Variants in MFSD6 observed in about 807,000 individuals in gnomAD.
MFSD6 encodes the protein major facilitator superfamily domain-containing protein 6.
In MFSD6, 26 loss-of-function variants were observed where a neutral mutation model predicts 56.3. The observed-to-expected ratio is 0.46, with a 90% CI of 0.34 to 0.64. MFSD6 has a LOEUF of 0.64. Among genes scored for constraint, MFSD6 ranks in the 30% least tolerant of loss-of-function variants. MFSD6 has a pLI of 0.01. For synonymous variants in MFSD6, 331 were observed against 366.9 expected, an observed-to-expected ratio of 0.90 and a Z score of 1.12; for missense variants, 750 against 986.2, an observed-to-expected ratio of 0.76 and a Z score of 3.21.
chr2:190,477,219 T>C, intron 4 of MFSD6: 2 of 967,658 alleles, frequency 2.1e-6, no homozygotes, highest in East Asian at 1.1e-4. Flanking sequence ...ATAATAACAA[T>C]GCATTAAACA....
chr2:190,407,615 C>T (rs1172221071), upstream of MFSD6, among the ~76,000 whole-genome samples: 2 of 152,218 alleles, frequency 1.3e-5, no homozygotes, highest in African/African-American at 4.8e-5. This position sits in a 1 kb window ranked among gnomAD's most constrained non-coding sequence, Gnocchi z 5.4. Context: ...CACTCTCCCC[C>T]AACTCTCTGC....
chr2:190,454,999 TA>T lies in MFSD6; in HGVS notation c.1533-14757del, dbSNP rs111977792. ...ATATGTATATGTATATGTATATGTA[TA>T]ATGTATATGTATATGTATATGTGTG... On this transcript the variant is annotated intron_variant, in intron 3 of 7. Transcript: ENST00000392328. The surrounding 1 kb of genome is among the most constrained non-coding windows in gnomAD (Gnocchi z 4.6). Among the ~76,000 whole-genome samples, 6,291 of 46,776 alleles carry T rather than the reference TA, an allele frequency of 0.13. 244 individuals are homozygous for T. Among genetic ancestry groups the T allele is most frequent in the East Asian group, 0.24 (355 of 1,456 alleles). The allele number at this position is 46,776 out of a possible 152,430, so 30.7% of individuals were successfully genotyped here.
In MFSD6 at chr2:190,437,329, A is replaced by C. The variant is rs1686214054; in HGVS notation, c.1300A>C (p.Asn434His). 1.9e-6 allele frequency: 3 copies of C among 1,614,128 alleles called. No individual in the cohort carries two copies. The highest frequency in any genetic ancestry group is 3.3e-5 in the Admixed American group (2 of 60,012). Residue 434 changes from asparagine to histidine, a missense_variant, in exon 3 of 8, where the codon AAC (asparagine) becomes CAC (histidine). Physicochemically the swap from Asn to His is moderately conservative, Grantham distance 68. Coordinates refer to ENST00000392328, the MANE Select transcript of MFSD6 (RefSeq NM_017694.4). The surrounding 1 kb of genome is among the most constrained non-coding windows in gnomAD (Gnocchi z 5.9). ...CACCACAAGCCACTCGCAGGCCTTC[A>C]ACTTTTGGGACTTAATCAAGCTGCT... The part of the protein sequence containing the change: ...PTTTSHSQAF[N>H]FWDLIKLLCS...
rs976270041 is a variant in MFSD6 at position 190,417,766 on chromosome 2, T to G, written c.-54+2353T>G. Among the ~76,000 whole-genome samples, 15 of 152,166 alleles carry G rather than the reference T, an allele frequency of 9.9e-5. No individual in the cohort carries two copies. Among genetic ancestry groups the G allele is most frequent in the Non-Finnish European group, 1.5e-4 (10 of 68,028 alleles). On this transcript the variant is annotated intron_variant, in intron 2 of 7. Coordinates refer to ENST00000392328, the MANE Select transcript of MFSD6 (RefSeq NM_017694.4). This position sits in a 1 kb window ranked among gnomAD's most constrained non-coding sequence, Gnocchi z 5.7. ...CTGGAATAGTTTTCCCACTCATCTTTGCCTGTGAATCCTGCCCATCTTTCA... is the reference window on the plus strand; with the variant it reads ...CTGGAATAGTTTTCCCACTCATCTTGGCCTGTGAATCCTGCCCATCTTTCA...
intron 2 of MFSD6, among the ~76,000 whole-genome samples, chr2:190,427,404 G>C (rs1685814919): frequency 6.6e-6 from 1 of 152,158 alleles, no homozygotes. Flanking sequence ...GTGGTATTTG[G>C]CTGCAGTCGA....
In MFSD6 at chr2:190,499,233, A is replaced by T. The variant is rs1403151204; in HGVS notation, c.2173-782A>T. On this transcript the variant is annotated intron_variant, in intron 7 of 7. Transcript: ENST00000392328. The surrounding 1 kb of genome is among the most constrained non-coding windows in gnomAD (Gnocchi z 6.0). ...AAAAACTGGCAGGTATGCTGTAGTT[A>T]TTCTTAGAAGTCATTATACTAAGTT... Among the ~76,000 whole-genome samples the T allele has an allele frequency of 6.6e-6, 1 of 152,244 alleles. No homozygotes were observed. The highest frequency in any genetic ancestry group is 1.5e-5 in the Non-Finnish European group (1 of 68,040).
intron 3 of MFSD6, among the ~76,000 whole-genome samples, chr2:190,445,798 A>G (rs559366642): frequency 3.7e-5 from 5 of 135,774 alleles, no homozygotes; most frequent in African/African-American, 1.1e-4. Context: ...AATCAGATTC[A>G]TAACGTGGTA....
chr2:190,468,961 T>A (rs986722890), intron 3 of MFSD6, among the ~76,000 whole-genome samples: 1 of 152,128 alleles, frequency 6.6e-6, no homozygotes, highest in African/African-American at 2.4e-5. Context: ...AAGTAGCCAC[T>A]CTTTGCTTCC....
chr2:190,484,956 T>G (rs7595579), intron 4 of MFSD6, among the ~76,000 whole-genome samples: 133,769 of 152,076 alleles, frequency 0.88, 59,642 homozygotes, highest in East Asian at 1. Flanking sequence ...TTCACTTAAT[T>G]CCCTGAGTTA....
chr2:190,436,520 G>T lies in MFSD6; in HGVS notation c.491G>T (p.Arg164Leu), dbSNP rs752903417. 4 of 1,614,100 alleles carry T rather than the reference G, an allele frequency of 2.5e-6. No individual in the cohort carries two copies. The highest frequency in any genetic ancestry group is 3.4e-6 in the Non-Finnish European group (4 of 1,180,016). ...PATLRCVPKI[R>L]PTTHPTNASH... is the part of the protein sequence containing the mutation. ...ACCTTGAGATGTGTACCAAAGATTC[G>T]CCCAACAACTCACCCCACCAATGCA... Residue 164 changes from arginine to leucine, a missense_variant, in exon 3 of 8, where the codon CGC becomes CTC. By Grantham distance (102) the Arg-to-Leu change is moderately radical (BLOSUM62 -2). This residue lies in a region of MFSD6 where 376 missense variants were observed against 437.9 expected (regional missense o/e 0.86). Transcript: ENST00000392328. The surrounding 1 kb of genome is among the most constrained non-coding windows in gnomAD (Gnocchi z 5.3).
Position 190,443,646 on chromosome 2 carries a change from T to C in MFSD6, c.1532+6085T>C, listed in dbSNP as rs1470734762. 3.9e-5 allele frequency among the ~76,000 whole-genome samples: 6 copies of C among 152,226 alleles called. No individual in the cohort carries two copies. Among genetic ancestry groups the C allele is most frequent in the Middle Eastern group, 3.2e-3 (1 of 316 alleles). On this transcript the variant is annotated intron_variant, in intron 3 of 7. Coordinates refer to ENST00000392328, the MANE Select transcript of MFSD6 (RefSeq NM_017694.4). The surrounding 1 kb of genome is among the most constrained non-coding windows in gnomAD (Gnocchi z 4.2). ...TCAAATTGAAATTTTTCTCCCCAAA[T>C]TTCTGATGACCATAGATTTTCAAAT... is the stretch of plus-strand genomic sequence containing the variant.
In MFSD6 at chr2:190,423,711, C is replaced by G. The variant is rs1685703540; in HGVS notation, c.-54+8298C>G. Among the ~76,000 whole-genome samples, 1 of 152,202 alleles carries G rather than the reference C, an allele frequency of 6.6e-6. No homozygotes were observed. Among genetic ancestry groups the G allele is most frequent in the African/African-American group, 2.4e-5 (1 of 41,450 alleles). ...ATGTATTTAGTTTTATTAGAAACTG[C>G]TAAACTGCTTTCTAGAGTGGTGTAC... On this transcript the variant is annotated intron_variant, in intron 2 of 7. Coordinates refer to ENST00000392328, the MANE Select transcript of MFSD6 (RefSeq NM_017694.4). This position sits in a 1 kb window ranked among gnomAD's most constrained non-coding sequence, Gnocchi z 4.3.
Position 190,423,843 on chromosome 2 carries a change from A to G in MFSD6, c.-54+8430A>G, listed in dbSNP as rs1190399530. On this transcript the variant is annotated intron_variant, in intron 2 of 7. Transcript: ENST00000392328. The surrounding 1 kb of genome is among the most constrained non-coding windows in gnomAD (Gnocchi z 4.3). ...ATTTTAACCATTCTTATAGACGTGT[A>G]GTGATATAGCATCATGGTTTTAATT... Among the ~76,000 whole-genome samples the G allele has an allele frequency of 6.6e-6, 1 of 152,214 alleles. No homozygotes were observed. Among genetic ancestry groups the G allele is most frequent in the African/African-American group, 2.4e-5 (1 of 41,458 alleles).
rs57743670 is a variant in MFSD6 at position 190,470,703 on chromosome 2, G to A, written c.1630+848G>A. 3.3e-3 allele frequency among the ~76,000 whole-genome samples: 509 copies of A among 152,170 alleles called. 7 individuals carry two copies. Among genetic ancestry groups the A allele is most frequent in the African/African-American group, 0.011 (473 of 41,530 alleles). ...TCCCTTACCCTAAGGAGACAAATGC[G>A]GTGTAATCAATGTGATTAATTGTCA... On this transcript the variant is annotated intron_variant, in intron 4 of 7. Coordinates refer to ENST00000392328, the MANE Select transcript of MFSD6 (RefSeq NM_017694.4).
rs1689264149 is a variant in MFSD6 at position 190,490,293 on chromosome 2, G to A, written c.1891+427G>A. Reference sequence around the variant, plus strand: ...AAAAAAAAAACAATGGCCGGGTGCAGTGGCTCACGCCTGTAATCCCAACAC... The same window carrying A: ...AAAAAAAAAACAATGGCCGGGTGCAATGGCTCACGCCTGTAATCCCAACAC... On this transcript the variant is annotated intron_variant, in intron 6 of 7. Coordinates refer to ENST00000392328, the MANE Select transcript of MFSD6 (RefSeq NM_017694.4). This position sits in a 1 kb window ranked among gnomAD's most constrained non-coding sequence, Gnocchi z 4.5. 6.6e-6 allele frequency among the ~76,000 whole-genome samples: 1 copy of A among 151,642 alleles called. No homozygotes were observed. Among genetic ancestry groups the A allele is most frequent in the African/African-American group, 2.4e-5 (1 of 41,324 alleles).
Position 190,497,140 on chromosome 2 carries a change from A to AG in MFSD6, c.1892-297dup, listed in dbSNP as rs1689745122. Among the ~76,000 whole-genome samples, 1 of 152,174 alleles carries AG rather than the reference A, an allele frequency of 6.6e-6. No individual in the cohort carries two copies. Among genetic ancestry groups the AG allele is most frequent in the Non-Finnish European group, 1.5e-5 (1 of 68,032 alleles). ...AATCATAATCCTGTAAATGGGCCTA[A>AG]GGCAACACTCATTATAACCTATGCC... On this transcript the variant is annotated intron_variant, in intron 6 of 7. Coordinates refer to ENST00000392328, the MANE Select transcript of MFSD6 (RefSeq NM_017694.4). This position sits in a 1 kb window ranked among gnomAD's most constrained non-coding sequence, Gnocchi z 5.2.
At chr2:190,475,821 C>A (rs976901652) in intron 4 of MFSD6, among the ~76,000 whole-genome samples, 2 of 151,526 alleles carry the variant, frequency 1.3e-5, no homozygotes, top group African/African-American at 2.4e-5. Context: ...ATACTACAAG[C>A]CTACAGTAAC....
chr2:190,435,798 T>A, intron 2 of MFSD6, 179 bp from the exon 3 acceptor site: 1 of 527,644 alleles, frequency 1.9e-6, no homozygotes, highest in South Asian at 3.5e-5. Context: ...GAGTATTCGA[T>A]TTTTTTAAAA....
chr2:190,442,046 TA>T (rs1686398907), intron 3 of MFSD6, among the ~76,000 whole-genome samples: 1 of 152,138 alleles, frequency 6.6e-6, no homozygotes, highest in African/African-American at 2.4e-5. Flanking sequence ...AATTATTGAT[TA>T]AAAAGCAAAA....
Sources: allele counts gnomAD v4.1 joint callset (sites outside exome capture counted in the v4.1 genomes callset), GRCh38; gene constraint gnomAD v4.1.1; regional missense constraint gnomAD v4.1.1; non-coding constraint Gnocchi (gnomAD v3.1); transcripts MANE v1.5; gene names NCBI Gene and HGNC (gene_info 2026-07-23, HGNC 2026-07-21).